Variants in MAP7 observed in about 807,000 individuals in gnomAD.
MAP7 encodes microtubule associated protein 7.
Under a neutral mutation model 94.8 loss-of-function variants are expected in MAP7, and 52 were observed. The ratio of observed to expected loss-of-function variants is 0.55; its 90% confidence interval spans 0.44 to 0.69. The LOEUF is 0.69. MAP7 is among the 30% of genes least tolerant of loss of function. The probability of loss-of-function intolerance (pLI) is 0.00; values close to 1 mark genes in which losing one functional copy is unlikely to be tolerated. For synonymous variants in MAP7, 350 were observed against 357.0 expected (o/e 0.98, Z 0.22); for missense variants, 940 against 964.6 (o/e 0.97, Z 0.34).
At chr6:136,538,982 T>C (rs1829103774) in intron 1 of MAP7, among the ~76,000 whole-genome samples, 1 of 152,078 alleles carries the variant, frequency 6.6e-6, no homozygotes, top group South Asian at 2.1e-4. Flanking sequence ...TATGACAGTG[T>C]GATCACACAG....
intron 1 of MAP7, among the ~76,000 whole-genome samples, chr6:136,422,628 T>C (rs1249131319): frequency 6.6e-6 from 1 of 152,226 alleles, no homozygotes; most frequent in Non-Finnish European, 1.5e-5. Flanking sequence ...TTTAAATTTT[T>C]CTGTGCTCAT....
intron 1 of MAP7, among the ~76,000 whole-genome samples, chr6:136,486,123 T>C (rs1007085815): frequency 6.6e-6 from 1 of 152,180 alleles, no homozygotes; most frequent in East Asian, 1.9e-4. Context: ...AAATCCTAGA[T>C]ACAGGAAGAA....
At chr6:136,347,703 G>A (rs1268752210) in intron 16 of MAP7, among the ~76,000 whole-genome samples, 2 of 152,098 alleles carry the variant, frequency 1.3e-5, no homozygotes, top group Non-Finnish European at 2.9e-5. Context: ...ACCACGCCCA[G>A]TCAAAATAGT....
At chr6:136,393,933 C>A (rs1337818183) in intron 3 of MAP7, among the ~76,000 whole-genome samples, 1 of 151,104 alleles carries the variant, frequency 6.6e-6, no homozygotes, top group African/African-American at 2.4e-5. Flanking sequence ...AGCCCCAACG[C>A]CTGGCCTAGC....
rs182190071 is a variant in MAP7 at position 136,468,067 on chromosome 6, A to T, written c.68-46268T>A. The stretch of plus-strand genomic sequence containing the variant: ...CCCCTTCTAGCCCAGCACCACCCCT[A>T]CAGCCCCAGAGACCCAGCATCAGAG... On this transcript the variant is annotated intron_variant, in intron 1 of 17. Transcript: ENST00000354570. Among the ~76,000 whole-genome samples, 104 of 152,142 alleles carry T rather than the reference A, an allele frequency of 6.8e-4. 1 individual carries two copies. The highest frequency in any genetic ancestry group is 2.4e-3 in the African/African-American group (99 of 41,540).
intron 1 of MAP7, among the ~76,000 whole-genome samples, chr6:136,434,218 A>T (rs1795737119): frequency 6.6e-6 from 1 of 151,734 alleles, no homozygotes; most frequent in Non-Finnish European, 1.5e-5. Flanking sequence ...GAGGCAGGAG[A>T]ACCGCTTGAA....
rs1314169629 is a variant in MAP7, at chr6:136,530,980, C to T, written c.67+19362G>A. Among the ~76,000 whole-genome samples, 19 of 144,594 alleles carry T rather than the reference C, an allele frequency of 1.3e-4. 2 individuals are homozygous for T. Among genetic ancestry groups the T allele is most frequent in the Middle Eastern group, 3.4e-3 (1 of 294 alleles). 94.9% of individuals were successfully genotyped at this position (144,594 alleles called of 152,430 possible). A position where few individuals can be genotyped will look rare whatever the true frequency, so the allele number is the denominator to read the frequency against. On this transcript the variant is annotated intron_variant, in intron 1 of 17. Transcript: ENST00000354570. ...TGCTCTATCATAAACAAATTTCAAA[C>T]GCTAGGGATTCATTTATACAAATGT...
intron 1 of MAP7, among the ~76,000 whole-genome samples, chr6:136,548,344 C>T (rs1364851682): frequency 6.6e-6 from 1 of 151,872 alleles, no homozygotes; most frequent in Non-Finnish European, 1.5e-5. Context: ...ACATTTACAC[C>T]TTCCTTCTTT....
intron 1 of MAP7, among the ~76,000 whole-genome samples, chr6:136,426,157 C>G (rs1308225448): frequency 1.3e-5 from 2 of 152,162 alleles, no homozygotes; most frequent in African/African-American, 4.8e-5. Context: ...AAGTTCCCGT[C>G]TTCAACCTCT....
chr6:136,383,807 T>C (rs1350831999), intron 5 of MAP7, 26 bp from the exon 6 acceptor site: 4 of 1,379,090 alleles, frequency 2.9e-6, no homozygotes, highest in South Asian at 1.2e-5. Context: ...ATAATGCTAA[T>C]TGACAGCCAA....
chr6:136,414,021 G>C (rs1006631515), intron 2 of MAP7, among the ~76,000 whole-genome samples: 1 of 151,704 alleles, frequency 6.6e-6, no homozygotes, highest in Non-Finnish European at 1.5e-5. Flanking sequence ...AGGCCGAGGC[G>C]GGCGGATCAC....
At chr6:136,525,705 C>A (rs1313989369) in intron 1 of MAP7, 4 of 963,788 alleles carry the variant, frequency 4.2e-6, no homozygotes, top group Non-Finnish European at 5.9e-6. Flanking sequence ...ACCAGCAAAC[C>A]GTGCTAGGAG....
At chr6:136,411,457 A>G (rs1787423880) in intron 3 of MAP7, among the ~76,000 whole-genome samples, 163 bp downstream of exon 3, 1 of 152,220 alleles carries the variant, frequency 6.6e-6, no homozygotes, top group Admixed American at 6.5e-5. Flanking sequence ...CTGAGGCTAG[A>G]GTTTATTGTC....
rs1471379896 is a variant in MAP7, at chr6:136,411,077, G to A, written c.244+543C>T. The stretch of plus-strand genomic sequence containing the variant: ...GACTGTACAATCTCTAAGTGCTCTA[G>A]TCTCAGCTTCTGCTAAGATAGTCCT... On this transcript the variant is annotated intron_variant, in intron 3 of 17. Transcript: ENST00000354570. 3.9e-5 allele frequency among the ~76,000 whole-genome samples: 6 copies of A among 152,200 alleles called. 1 individual carries two copies. The highest frequency in any genetic ancestry group is 8.8e-5 in the Non-Finnish European group (6 of 68,034).
chr6:136,479,841 T>G (rs1812165505), intron 1 of MAP7, among the ~76,000 whole-genome samples: 1 of 151,928 alleles, frequency 6.6e-6, no homozygotes, highest in Non-Finnish European at 1.5e-5. Context: ...ATGCCAGAAA[T>G]CGAAGGGGAC....
chr6:136,549,525 G>A (rs1490669817), intron 1 of MAP7, among the ~76,000 whole-genome samples: 1 of 152,188 alleles, frequency 6.6e-6, no homozygotes, highest in East Asian at 1.9e-4. Flanking sequence ...AAGCCTTGCT[G>A]CTGGTCTTGG....
In MAP7 at chr6:136,526,269, A is replaced by ACG. The variant is rs1255654708; in HGVS notation, c.67+24071_67+24072dup. The ACG allele has an allele frequency of 1.8e-4, 192 of 1,078,094 alleles. No homozygotes were observed. The African/African-American group carries it at 2.7e-3, about 15-fold the overall frequency. 66.8% of individuals were successfully genotyped at this position (1,078,094 alleles called of 1,614,324 possible). On this transcript the variant is annotated intron_variant, in intron 1 of 17. Transcript: ENST00000354570. The stretch of plus-strand genomic sequence containing the variant: ...TGCTCCGGCTCATGCATGCACGTAC[A>ACG]CGCGCGCGCACACACACACACACAC...
In MAP7 at chr6:136,389,338, C is replaced by T; in HGVS notation, c.408+16G>A. ...ACTAGAGGAGCCACTCATATTCTTC[C>T]CGGGGGGCGGCTCACTTTGTCCTCC... On this transcript the variant is annotated intron_variant, in intron 4 of 17. Transcript: ENST00000354570. 1 of 1,519,298 alleles carries T rather than the reference C, an allele frequency of 6.6e-7. No individual in the cohort carries two copies. The highest frequency in any genetic ancestry group is 8.8e-7 in the Non-Finnish European group (1 of 1,139,028). The allele number at this position is 1,519,298 out of a possible 1,614,324, so 94.1% of individuals were successfully genotyped here.
At chr6:136,483,303 C>A (rs1267776784) in intron 1 of MAP7, among the ~76,000 whole-genome samples, 2 of 151,920 alleles carry the variant, frequency 1.3e-5, no homozygotes, top group South Asian at 2.1e-4. Context: ...TGTTCTCACT[C>A]ACATTGAGTA....
Sources: allele counts gnomAD v4.1 joint callset (sites outside exome capture counted in the v4.1 genomes callset), GRCh38; gene constraint gnomAD v4.1.1; transcripts MANE v1.5; gene names NCBI Gene and HGNC (gene_info 2026-07-23, HGNC 2026-07-21).